MEGF11: variants seen among roughly 807,000 people sequenced by gnomAD.
MEGF11 encodes multiple epidermal growth factor-like domains protein 11.
Under a neutral mutation model 146.6 loss-of-function variants are expected in MEGF11, and 126 were observed. The ratio of observed to expected loss-of-function variants is 0.86; its 90% CI spans 0.74 to 1.00. The LOEUF is 1.00. Ranked by LOEUF, MEGF11 falls within the 50% of genes least tolerant of loss-of-function variation. MEGF11 has a pLI of 0.00. For missense variants in MEGF11, 1,509 were observed against 1,521.2 expected (o/e 0.99, Z 0.13); for synonymous variants, 532 against 583.4 (o/e 0.91, Z 1.27).
At chr15:66,204,363 C>T (rs762640834) in intron 1 of MEGF11, among the ~76,000 whole-genome samples, 1 of 152,072 alleles carries the variant, frequency 6.6e-6, no homozygotes, top group South Asian at 2.1e-4. Flanking sequence ...CGAGATTGTG[C>T]CACTGTACTC....
In MEGF11 at chr15:65,896,222, A is replaced by C. The variant is rs1173190931; in HGVS notation, c.*1712T>G. Reference sequence around the variant, plus strand: ...TTTAATAAGGCTTTTTTGGAAAGTAAATTTACTATTGCTACTCAGTTGCTC... The same window carrying C: ...TTTAATAAGGCTTTTTTGGAAAGTACATTTACTATTGCTACTCAGTTGCTC... On this transcript the variant is annotated 3_prime_UTR_variant, in exon 26 of 26. Coordinates refer to ENST00000395614, the MANE Select transcript of MEGF11 (RefSeq NM_001385028.1). 6.6e-6 allele frequency: 1 copy of C among 152,558 alleles called. No individual in the cohort carries two copies. Among genetic ancestry groups the C allele is most frequent in the Non-Finnish European group, 1.5e-5 (1 of 68,042 alleles). 9.5% of individuals were successfully genotyped at this position (152,558 alleles called of 1,614,324 possible). A position where few individuals can be genotyped will look rare whatever the true frequency, so the allele number is the denominator to read the frequency against.
chr15:66,238,652 T>C (rs2092145484), intron 1 of MEGF11, among the ~76,000 whole-genome samples: 1 of 152,230 alleles, frequency 6.6e-6, no homozygotes, highest in Admixed American at 6.5e-5. Flanking sequence ...GGTTCTATCA[T>C]AACCCTGACT....
In MEGF11 at chr15:66,083,066, C is replaced by T. The variant is rs182226640; in HGVS notation, c.394+11336G>A. Among the ~76,000 whole-genome samples the T allele has an allele frequency of 2.5e-3, 377 of 152,234 alleles. 2 individuals are homozygous for T. The highest frequency in any genetic ancestry group is 8.6e-3 in the African/African-American group (359 of 41,540). ...ATTTTCATGAGAGTGTGTCCAGGGG[C>T]GCCTGAGACAGAGACACTCCCTGAT... On this transcript the variant is annotated intron_variant, in intron 5 of 25. Coordinates refer to ENST00000395614, the MANE Select transcript of MEGF11 (RefSeq NM_001385028.1).
At chr15:66,129,721 G>A (rs528631197) in intron 1 of MEGF11, among the ~76,000 whole-genome samples, 5 of 152,262 alleles carry the variant, frequency 3.3e-5, no homozygotes, top group East Asian at 1.9e-4. Context: ...GCTAAATGGA[G>A]TGCCATTCTT....
Position 65,917,141 on chromosome 15 carries a change from C to G in MEGF11, c.2087-185G>C, listed in dbSNP as rs540914331. Among the ~76,000 whole-genome samples the G allele has an allele frequency of 3.3e-5, 5 of 152,296 alleles. No individual in the cohort carries two copies. The East Asian group carries it at 9.7e-4, about 29-fold the overall frequency. ...GCACTTACTTCTTGGCTTAGTTACC[C>G]AGGATTCCCATTAAGCCCAGATTCT... On this transcript the variant is annotated intron_variant, in intron 16 of 25. Coordinates refer to ENST00000395614, the MANE Select transcript of MEGF11 (RefSeq NM_001385028.1).
intron 4 of MEGF11, among the ~76,000 whole-genome samples, chr15:66,104,498 CCT>C (rs1262115508): frequency 1.3e-5 from 2 of 152,236 alleles, no homozygotes; most frequent in Non-Finnish European, 2.9e-5. Context: ...AATCACTTTG[CCT>C]CTCTTAAGTT....
chr15:66,196,677 A>G (rs1490302527), intron 1 of MEGF11, among the ~76,000 whole-genome samples: 2 of 152,314 alleles, frequency 1.3e-5, no homozygotes, highest in African/African-American at 2.4e-5. Context: ...CATTCACTCC[A>G]TCTACTTTCA....
At chr15:66,241,726 A>G (rs1041445034) in intron 1 of MEGF11, among the ~76,000 whole-genome samples, 2 of 152,114 alleles carry the variant, frequency 1.3e-5, no homozygotes, top group African/African-American at 4.8e-5. Context: ...TGCAATACAC[A>G]CACACATAGA....
At chr15:65,898,439 ATCTG>A (rs2078405088) in intron 25 of MEGF11, 2 of 985,192 alleles carry the variant, frequency 2.0e-6, no homozygotes, top group Admixed American at 1.2e-4. Flanking sequence ...TGTATCAACA[ATCTG>A]TGTGTGTGTG....
At chr15:65,904,439 C>T (rs956909517) in intron 24 of MEGF11, among the ~76,000 whole-genome samples, 8 of 152,158 alleles carry the variant, frequency 5.3e-5, no homozygotes, top group African/African-American at 1.9e-4. Context: ...ACCTTTTGTC[C>T]TCAGACAGTT....
rs983981727 is a variant in MEGF11 at position 66,099,307 on chromosome 15, C to T, written c.302-4813G>A. Among the ~76,000 whole-genome samples, 11 of 151,480 alleles carry T rather than the reference C, an allele frequency of 7.3e-5. No homozygotes were observed. In the East Asian group the frequency reaches 7.8e-4, roughly 11 times the overall value. ...AAGTGATTCTCCTGCCTCAGCCTCC[C>T]GAGTAGCTGGGATTACAGGCACGCG... is the stretch of plus-strand genomic sequence containing the variant. On this transcript the variant is annotated intron_variant, in intron 4 of 25. Coordinates refer to ENST00000395614, the MANE Select transcript of MEGF11 (RefSeq NM_001385028.1).
At chr15:66,013,415 C>T (rs1280799261) in intron 5 of MEGF11, among the ~76,000 whole-genome samples, 13 of 151,964 alleles carry the variant, frequency 8.6e-5, no homozygotes, top group Non-Finnish European at 2.9e-5. Context: ...ATTAACATGG[C>T]AACTTATGTT....
rs372827611 is a variant in MEGF11 at position 66,165,097 on chromosome 15, A to C, written c.-8-36686T>G. On this transcript the variant is annotated intron_variant, in intron 1 of 25. Transcript: ENST00000395614. ...ACCAACCCCTCACAGCACGTTAGAAACAGTATTTTCCAAAAGTTCACAATT... is the reference window on the plus strand; with the variant it reads ...ACCAACCCCTCACAGCACGTTAGAACCAGTATTTTCCAAAAGTTCACAATT... Among the ~76,000 whole-genome samples the C allele has an allele frequency of 3.3e-5, 5 of 152,356 alleles. No individual in the cohort carries two copies. The East Asian group carries it at 9.6e-4, about 29-fold the overall frequency.
intron 1 of MEGF11, among the ~76,000 whole-genome samples, chr15:66,220,504 G>T (rs1187893630): frequency 1.3e-5 from 2 of 149,568 alleles, no homozygotes; most frequent in African/African-American, 4.9e-5. Flanking sequence ...CATAAAGGAG[G>T]AGCACAAGGA....
At chr15:66,104,234 C>T (rs995702997) in intron 4 of MEGF11, among the ~76,000 whole-genome samples, 5 of 152,214 alleles carry the variant, frequency 3.3e-5, no homozygotes, top group African/African-American at 1.2e-4. Flanking sequence ...TCTGGAGTTA[C>T]AGCTTTCACA....
chr15:66,107,338 G>A (rs2140827062), intron 4 of MEGF11, among the ~76,000 whole-genome samples: 2 of 152,370 alleles, frequency 1.3e-5, no homozygotes, highest in Admixed American at 1.3e-4. Flanking sequence ...CCTCACTGAA[G>A]AGCAAGCATT....
rs1251856783 is a variant in MEGF11 at position 66,221,783 on chromosome 15, G to A, written c.-9+31822C>T. ...ACAACCCCCTGAGAATTAAACTTTGGGGTAAAATTCCACTTTTAAGTTGAG... is the reference window on the plus strand; with the variant it reads ...ACAACCCCCTGAGAATTAAACTTTGAGGTAAAATTCCACTTTTAAGTTGAG... On this transcript the variant is annotated intron_variant, in intron 1 of 25. Coordinates refer to ENST00000395614, the MANE Select transcript of MEGF11 (RefSeq NM_001385028.1). Among the ~76,000 whole-genome samples the A allele has an allele frequency of 2.0e-5, 3 of 151,956 alleles. No homozygotes were observed. In the South Asian group the frequency reaches 6.2e-4, roughly 32 times the overall value.
At chr15:66,090,183 C>G (rs1022600792) in intron 5 of MEGF11, among the ~76,000 whole-genome samples, 2 of 152,204 alleles carry the variant, frequency 1.3e-5, no homozygotes, top group African/African-American at 4.8e-5. Context: ...TTATCCCCTT[C>G]ACTGCTGTCA....
chr15:66,103,250 A>T lies in MEGF11; in HGVS notation c.302-8756T>A, dbSNP rs140911905. Among the ~76,000 whole-genome samples the T allele has an allele frequency of 1.4e-4, 21 of 152,334 alleles. No homozygotes were observed. The East Asian group carries it at 4.1e-3, about 29-fold the overall frequency. The stretch of plus-strand genomic sequence containing the variant: ...AGAGATGCCAGACACAGAAGCTTCC[A>T]GTGCAGCCTTGGAGCAGCTAAGTCT... On this transcript the variant is annotated intron_variant, in intron 4 of 25. Coordinates refer to ENST00000395614, the MANE Select transcript of MEGF11 (RefSeq NM_001385028.1).
Sources: gnomAD v4.1 joint callset for allele counts (sites outside exome capture counted in the v4.1 genomes callset) on GRCh38, gnomAD v4.1.1 for gene constraint, MANE v1.5 for transcripts, NCBI Gene and HGNC (gene_info 2026-07-23, HGNC 2026-07-21) for gene names.